The following TLL2 variants were observed in gnomAD, a reference collection of about 807,000 sequenced individuals.
The protein encoded by TLL2 is tolloid-like protein 2.
In TLL2, 106 loss-of-function variants were observed where a neutral mutation model predicts 123.0. That is an observed-to-expected ratio of 0.86 (90% CI 0.74 to 1.01). TLL2 has a LOEUF of 1.01. Among genes scored for constraint, TLL2 ranks in the 50% least tolerant of loss-of-function variants. The probability of loss-of-function intolerance (pLI) is 0.00; values close to 1 mark genes in which losing one functional copy is unlikely to be tolerated. For missense variants in TLL2, 1,332 were observed against 1,336.7 expected (o/e 1.00, Z 0.06); for synonymous variants, 494 against 516.8 (o/e 0.96, Z 0.60).
Position 96,376,830 on chromosome 10 carries a change from C to A in TLL2, c.2321-11G>T, listed in dbSNP as rs374661636. ...TGTGTGCACAGCCAGCTGGGGGTGG[C>A]AGGGGGACACATACAAAGAGAGAAG... is the stretch of plus-strand genomic sequence containing the variant. On this transcript the variant is annotated splice_polypyrimidine_tract_variant and intron_variant, in intron 17 of 20. Coordinates refer to ENST00000357947, the MANE Select transcript of TLL2 (RefSeq NM_012465.4). The A allele has an allele frequency of 6.6e-7, 1 of 1,512,844 alleles. No individual in the cohort carries two copies. Among genetic ancestry groups the A allele is most frequent in the Non-Finnish European group, 8.8e-7 (1 of 1,134,316 alleles). The allele number at this position is 1,512,844 out of a possible 1,614,324, so 93.7% of individuals were successfully genotyped here.
chr10:96,414,076 T>C (rs1379406464), intron 7 of TLL2, among the ~76,000 whole-genome samples: 1 of 152,178 alleles, frequency 6.6e-6, no homozygotes, highest in African/African-American at 2.4e-5. Flanking sequence ...ATTTCTAAAC[T>C]AGACAAGTGG....
chr10:96,467,181 AT>A (rs1263350271), intron 2 of TLL2, among the ~76,000 whole-genome samples: 2 of 152,156 alleles, frequency 1.3e-5, no homozygotes, highest in African/African-American at 4.8e-5. Context: ...AAGTTTAAAA[AT>A]TTAGGGATTT....
At position 96,373,583 on chromosome 10, in the gene TLL2, C is replaced by T. The variant is rs74718616; in HGVS notation, c.2662+13G>A. 1.2e-3 allele frequency: 1,945 copies of T among 1,612,914 alleles called. 57 individuals carry two copies. The East Asian group carries it at 0.032, about 26-fold the overall frequency. ...TGCTCATCAGGTGGAAGCCAGTGTC[C>T]CACCCCAGGTACCTGTGCTGTGCAC... On this transcript the variant is annotated intron_variant, in intron 19 of 20. Transcript: ENST00000357947.
intron 11 of TLL2, among the ~76,000 whole-genome samples, chr10:96,396,440 C>T (rs1343820081): frequency 6.6e-6 from 1 of 152,148 alleles, no homozygotes; most frequent in African/African-American, 2.4e-5. Context: ...CACACGTGCA[C>T]ACATGCGCAC....
chr10:96,365,298 T>C lies in TLL2; in HGVS notation c.*2790A>G, dbSNP rs2134046735. ...TCTAAATATTTACCTTAGAGGAAAA[T>C]AGAGGGAATAGTGGATCAATGAACA... On this transcript the variant is annotated 3_prime_UTR_variant, in exon 21 of 21. Transcript: ENST00000357947. 1 of 152,104 alleles carries C rather than the reference T, an allele frequency of 6.6e-6. No homozygotes were observed. Among genetic ancestry groups the C allele is most frequent in the Non-Finnish European group, 1.5e-5 (1 of 68,032 alleles). 9.4% of individuals were successfully genotyped at this position (152,104 alleles called of 1,614,324 possible). A position where few individuals can be genotyped will look rare whatever the true frequency, so the allele number is the denominator to read the frequency against.
At chr10:96,497,834 T>C (rs1341881373) in intron 1 of TLL2, among the ~76,000 whole-genome samples, 1 of 152,264 alleles carries the variant, frequency 6.6e-6, no homozygotes, top group Non-Finnish European at 1.5e-5. Flanking sequence ...AGAAAATCTT[T>C]CCATTATTTC....
rs534295956 is a variant in TLL2 at position 96,484,267 on chromosome 10, G to A, written c.176-3808C>T. 6.6e-5 allele frequency among the ~76,000 whole-genome samples: 10 copies of A among 152,262 alleles called. No individual in the cohort carries two copies. The South Asian group carries it at 2.1e-3, about 32-fold the overall frequency. Reference sequence around the variant, plus strand: ...CTTTTCCCAAAGCCATAAGACAAAGGATATTCCGGAAACAGCCCGCTCTAT... The same window carrying A: ...CTTTTCCCAAAGCCATAAGACAAAGAATATTCCGGAAACAGCCCGCTCTAT... On this transcript the variant is annotated intron_variant, in intron 1 of 20. Coordinates refer to ENST00000357947, the MANE Select transcript of TLL2 (RefSeq NM_012465.4).
chr10:96,379,059 C>A lies in TLL2; in HGVS notation c.2228G>T (p.Cys743Phe). 6.2e-7 allele frequency: 1 copy of A among 1,614,208 alleles called. No individual in the cohort carries two copies. The part of the protein sequence containing the change: ...KDECAKDNGG[C>F]QHECVNTFGS... ...GAAGGTGTTGACGCACTCATGCTGA[C>A]ACCCGCCGTTGTCCTTGGCACACTC... Residue 743 changes from cysteine (C) to phenylalanine (F), a missense_variant, in exon 17 of 21, where the codon TGT becomes TTT. By Grantham distance (205) the Cys-to-Phe change is radical. Transcript: ENST00000357947.
rs765579171 is a variant in TLL2 at position 96,480,342 on chromosome 10, T to G, written c.286+7A>C. 1 of 1,612,930 alleles carries G rather than the reference T, an allele frequency of 6.2e-7. No homozygotes were observed. The highest frequency in any genetic ancestry group is 1.7e-5 in the Admixed American group (1 of 60,014). ...CTGGGCAGGAGAAGGGAGGAAGCAGTACCTACCTGTGCTGTGTCCTGTTGC... is the reference window on the plus strand; with the variant it reads ...CTGGGCAGGAGAAGGGAGGAAGCAGGACCTACCTGTGCTGTGTCCTGTTGC... On this transcript the variant is annotated splice_region_variant and intron_variant, in intron 2 of 20. Coordinates refer to ENST00000357947, the MANE Select transcript of TLL2 (RefSeq NM_012465.4).
intron 3 of TLL2, among the ~76,000 whole-genome samples, chr10:96,445,180 C>A (rs1358845558): frequency 6.6e-6 from 1 of 152,062 alleles, no homozygotes. Flanking sequence ...CAGAGCGAGA[C>A]TCCACCTCAA....
At chr10:96,429,136 C>T (rs1352817497) in intron 4 of TLL2, among the ~76,000 whole-genome samples, 4 of 151,836 alleles carry the variant, frequency 2.6e-5, no homozygotes, top group African/African-American at 9.7e-5. Context: ...TGAGTTAAGA[C>T]AAAGGATGTT....
chr10:96,509,360 C>T (rs1180852323), intron 1 of TLL2, among the ~76,000 whole-genome samples: 1 of 152,216 alleles, frequency 6.6e-6, no homozygotes, highest in Non-Finnish European at 1.5e-5. Flanking sequence ...GGAATAGAAA[C>T]TAGAGCAAGG....
rs111442837 is a variant in TLL2, at chr10:96,492,089, C to T, written c.176-11630G>A. Among the ~76,000 whole-genome samples, 1,345 of 152,202 alleles carry T rather than the reference C, an allele frequency of 8.8e-3. 11 individuals are homozygous for T. Among genetic ancestry groups the T allele is most frequent in the Non-Finnish European group, 0.011 (779 of 67,994 alleles). The stretch of plus-strand genomic sequence containing the variant: ...AGATCTTGCCCTGGCTATCTTTTCT[C>T]CATTGACAGCAGAAGCAAGCAGCAC... On this transcript the variant is annotated intron_variant, in intron 1 of 20. Transcript: ENST00000357947.
intron 10 of TLL2, among the ~76,000 whole-genome samples, chr10:96,404,277 G>A (rs921782577): frequency 6.8e-6 from 1 of 146,902 alleles, no homozygotes; most frequent in Non-Finnish European, 1.5e-5. Flanking sequence ...CATCTCTGGG[G>A]TGAACTAAGC....
At chr10:96,369,520 G>C (rs1455005304) in intron 20 of TLL2, among the ~76,000 whole-genome samples, 2 of 152,300 alleles carry the variant, frequency 1.3e-5, no homozygotes, top group African/African-American at 2.4e-5. Flanking sequence ...CAGCACTTTG[G>C]AAGGACGAGG....
At chr10:96,426,132 TGA>T (rs933379212) in intron 5 of TLL2, among the ~76,000 whole-genome samples, 2 of 152,114 alleles carry the variant, frequency 1.3e-5, no homozygotes, top group African/African-American at 4.8e-5. Context: ...TAGCATCTAT[TGA>T]GATATGAATA....
At chr10:96,477,595 G>A (rs1232057153) in intron 2 of TLL2, among the ~76,000 whole-genome samples, 1 of 152,180 alleles carries the variant, frequency 6.6e-6, no homozygotes, top group Non-Finnish European at 1.5e-5. Context: ...CAGATGAAAT[G>A]TATTAAGCAT....
intron 2 of TLL2, among the ~76,000 whole-genome samples, chr10:96,468,523 G>C (rs528674106): frequency 6.6e-6 from 1 of 152,226 alleles, no homozygotes; most frequent in East Asian, 1.9e-4. Context: ...ATAGGGCCAC[G>C]AGAATATACT....
At chr10:96,387,983 G>C (rs1250741959) in intron 13 of TLL2, among the ~76,000 whole-genome samples, 1 of 152,220 alleles carries the variant, frequency 6.6e-6, no homozygotes, top group Non-Finnish European at 1.5e-5. Context: ...GGAGTCTAGT[G>C]AAGGGACAAC....
Sources: gnomAD v4.1 joint callset for allele counts (sites outside exome capture counted in the v4.1 genomes callset) on GRCh38, gnomAD v4.1.1 for gene constraint, MANE v1.5 for transcripts, NCBI Gene and HGNC (gene_info 2026-07-23, HGNC 2026-07-21) for gene names.